Variants in ROBO1 observed in about 807,000 individuals in gnomAD.
The protein encoded by ROBO1 is roundabout homolog 1.
Under a neutral mutation model 195.9 loss-of-function variants are expected in ROBO1, and 149 were observed. The ratio of observed to expected loss-of-function variants is 0.76; its 90% CI spans 0.67 to 0.87. ROBO1 has a LOEUF of 0.87. Ranked by LOEUF, ROBO1 falls within the 40% of genes least tolerant of loss-of-function variation. ROBO1 has a pLI of 0.00. For synonymous variants in ROBO1, 816 were observed against 733.2 expected (o/e 1.11, Z -1.82); for missense variants, 1,933 against 2,068.3 (o/e 0.93, Z 1.27).
chr3:79,384,335 T>C (rs2036665801), intron 2 of ROBO1, among the ~76,000 whole-genome samples: 1 of 152,024 alleles, frequency 6.6e-6, no homozygotes, highest in African/African-American at 2.4e-5. Context: ...TGATCAAAAT[T>C]GCTTTCTGCA....
At chr3:78,958,819 CTTTTTT>C (rs753439088) in intron 3 of ROBO1, among the ~76,000 whole-genome samples, 1 of 130,618 alleles carries the variant, frequency 7.7e-6, no homozygotes, top group African/African-American at 2.9e-5. Context: ...CTTTCTTCTT[CTTTTTT>C]TTTTTTTTTT....
intron 2 of ROBO1, among the ~76,000 whole-genome samples, chr3:79,247,634 T>C (rs1328516452): frequency 6.6e-6 from 1 of 151,980 alleles, no homozygotes; most frequent in African/African-American, 2.4e-5. Flanking sequence ...CAGCTGCTGA[T>C]CATAAATAGC....
At chr3:79,402,827 A>G (rs1350267740) in intron 2 of ROBO1, among the ~76,000 whole-genome samples, 1 of 151,984 alleles carries the variant, frequency 6.6e-6, no homozygotes, top group African/African-American at 2.4e-5. Flanking sequence ...AGCTTGACCC[A>G]TTACTTTTCA....
chr3:78,877,681 C>T (rs1440805341), intron 4 of ROBO1, among the ~76,000 whole-genome samples: 2 of 152,110 alleles, frequency 1.3e-5, no homozygotes, highest in African/African-American at 4.8e-5. Flanking sequence ...CCTAAAGTAT[C>T]CCTGTAAACA....
chr3:78,707,029 T>C (rs2081568691), intron 8 of ROBO1, among the ~76,000 whole-genome samples: 1 of 152,216 alleles, frequency 6.6e-6, no homozygotes, highest in Non-Finnish European at 1.5e-5. Context: ...GCTTACAGCC[T>C]GAGTTAGCAG....
intron 1 of ROBO1, among the ~76,000 whole-genome samples, chr3:79,723,486 C>T (rs967709685): frequency 5.9e-5 from 9 of 152,092 alleles, no homozygotes; most frequent in Non-Finnish European, 1.3e-4. Flanking sequence ...CCAAAATCCT[C>T]AAGATAAATG....
At chr3:78,650,664 T>A (rs1212417653) in intron 19 of ROBO1, among the ~76,000 whole-genome samples, 2 of 152,156 alleles carry the variant, frequency 1.3e-5, no homozygotes, top group African/African-American at 4.8e-5. Context: ...TGGGAAAAAG[T>A]TGGTGATGGT....
chr3:79,707,712 G>A (rs1210561233), intron 1 of ROBO1, among the ~76,000 whole-genome samples: 1 of 152,084 alleles, frequency 6.6e-6, no homozygotes, highest in African/African-American at 2.4e-5. Flanking sequence ...GTTCCACCAT[G>A]TTAGCCAGGA....
At chr3:78,795,028 A>G (rs1049528275) in intron 4 of ROBO1, among the ~76,000 whole-genome samples, 1 of 152,190 alleles carries the variant, frequency 6.6e-6, no homozygotes, top group African/African-American at 2.4e-5. Context: ...ATTCATACTA[A>G]AAATGATTTA....
intron 1 of ROBO1, among the ~76,000 whole-genome samples, chr3:79,738,463 T>C (rs2107403147): frequency 6.6e-6 from 1 of 152,244 alleles, no homozygotes; most frequent in South Asian, 2.1e-4. Flanking sequence ...TTCTGATCAG[T>C]CATGCTGAGC....
Position 78,614,885 on chromosome 3 carries a change from AC to A in ROBO1, c.4283-86del, listed in dbSNP as rs1351808381. On this transcript the variant is annotated intron_variant, in intron 27 of 30. Coordinates refer to ENST00000464233, the MANE Select transcript of ROBO1 (RefSeq NM_002941.4). ...GGAACAACAAAAAGAAAACATTAAA[AC>A]CAGAAACAGCTTTAATTTTTCTGAA... 5 of 1,310,320 alleles carry A rather than the reference AC, an allele frequency of 3.8e-6. No individual in the cohort carries two copies. In the Admixed American group the frequency reaches 1.2e-4, roughly 30 times the overall value. The allele number at this position is 1,310,320 out of a possible 1,614,324, so 81.2% of individuals were successfully genotyped here.
chr3:79,620,099 A>G (rs1294634698), intron 1 of ROBO1, among the ~76,000 whole-genome samples: 1 of 152,222 alleles, frequency 6.6e-6, no homozygotes, highest in Non-Finnish European at 1.5e-5. Context: ...CAAGTGCCAG[A>G]AATCTGGCCA....
intron 26 of ROBO1, among the ~76,000 whole-genome samples, chr3:78,618,877 C>T (rs1428607656): frequency 6.6e-6 from 1 of 152,082 alleles, no homozygotes; most frequent in Non-Finnish European, 1.5e-5. Flanking sequence ...AGAATAACAA[C>T]AGCTAGAAGC....
intron 2 of ROBO1, among the ~76,000 whole-genome samples, chr3:79,202,983 T>C (rs1289834602): frequency 2.0e-5 from 3 of 152,124 alleles, no homozygotes; most frequent in Non-Finnish European, 4.4e-5. Context: ...CTTGTGTAAT[T>C]CTCATTTGCA....
chr3:79,759,961 G>A (rs906305305), intron 1 of ROBO1, among the ~76,000 whole-genome samples: 1 of 152,104 alleles, frequency 6.6e-6, no homozygotes, highest in African/African-American at 2.4e-5. Context: ...CTGAGGCGGG[G>A]AGTGGTGGCT....
intron 2 of ROBO1, among the ~76,000 whole-genome samples, chr3:79,166,563 T>G (rs1460247915): frequency 6.8e-6 from 1 of 147,458 alleles, no homozygotes; most frequent in Admixed American, 6.7e-5. Flanking sequence ...TATTTTTCTT[T>G]TTTTTTTTTT....
Position 79,671,135 on chromosome 3 carries a change from T to C in ROBO1, c.-50-81174A>G, listed in dbSNP as rs200138850. Among the ~76,000 whole-genome samples the C allele has an allele frequency of 6.6e-5, 10 of 151,844 alleles. No homozygotes were observed. The East Asian group carries it at 1.7e-3, about 26-fold the overall frequency. On this transcript the variant is annotated intron_variant, in intron 1 of 30. Transcript: ENST00000464233. ...ATAAAAATTAGATACTGATATACAA[T>C]GTTTAAGAGTTACCACCTGTAACAT...
intron 26 of ROBO1, among the ~76,000 whole-genome samples, chr3:78,624,052 G>A (rs1704611612): frequency 6.6e-6 from 1 of 152,102 alleles, no homozygotes; most frequent in African/African-American, 2.4e-5. Context: ...CAATATTAAG[G>A]AGTTGGTTAA....
chr3:78,598,654 T>G lies in ROBO1; in HGVS notation c.*259A>C. On this transcript the variant is annotated 3_prime_UTR_variant, in exon 31 of 31. Coordinates refer to ENST00000464233, the MANE Select transcript of ROBO1 (RefSeq NM_002941.4). The stretch of plus-strand genomic sequence containing the variant: ...TGACTGAAGCAAGAAGTCAAAGCAC[T>G]TTGCTTGCTGGAAGTAAGGTATAAT... The G allele has an allele frequency of 3.1e-6, 1 of 324,144 alleles. No individual in the cohort carries two copies. The highest frequency in any genetic ancestry group is 2.1e-5 in the African/African-American group (1 of 46,926). The allele number at this position is 324,144 out of a possible 1,614,324, so 20.1% of individuals were successfully genotyped here.
Sources: gnomAD v4.1 joint callset for allele counts (sites outside exome capture counted in the v4.1 genomes callset) on GRCh38, gnomAD v4.1.1 for gene constraint, MANE v1.5 for transcripts, NCBI Gene and HGNC (gene_info 2026-07-23, HGNC 2026-07-21) for gene names.